Variants in FAM200B observed in about 807,000 individuals in gnomAD.
FAM200B encodes the protein protein FAM200B.
In FAM200B, 32 loss-of-function variants were observed where a neutral mutation model predicts 33.1. The observed-to-expected ratio is 0.97, with a 90% CI of 0.73 to 1.30. FAM200B has a LOEUF of 1.30. Among genes scored for constraint, FAM200B ranks in the 50% most tolerant of loss-of-function variants. The pLI is 0.00. For synonymous variants in FAM200B, 240 were observed against 264.8 expected (o/e 0.91, Z 0.91); for missense variants, 741 against 754.0 (o/e 0.98, Z 0.20).
the FAM200B span, among the ~76,000 whole-genome samples, chr4:15,650,411 T>A: frequency 4.6e-5 from 7 of 152,272 alleles, no homozygotes; most frequent in African/African-American, 1.4e-4. Context: ...TATTTACTTT[T>A]CGGTTTAAAT....
the FAM200B span, among the ~76,000 whole-genome samples, chr4:15,645,055 A>G: frequency 2.6e-4 from 40 of 152,306 alleles, no homozygotes; most frequent in African/African-American, 9.1e-4. Flanking sequence ...CAGAAATTTT[A>G]AAGAGGGAAA....
chr4:15,676,693 G>A (rs1020381322), upstream of FAM200B, among the ~76,000 whole-genome samples: 2 of 151,858 alleles, frequency 1.3e-5, no homozygotes, highest in East Asian at 1.9e-4. Context: ...TGAGTATTAC[G>A]GGGGGGAGGG....
At chr4:15,653,577 A>C in the FAM200B span, among the ~76,000 whole-genome samples, 1,422 of 152,296 alleles carry the variant, frequency 9.3e-3, 23 homozygotes, top group African/African-American at 0.033. Context: ...ACCTCTCCAC[A>C]GTCTAAAGTG....
the FAM200B span, chr4:15,640,787 C>T: frequency 2.0e-6 from 3 of 1,483,372 alleles, no homozygotes; most frequent in Non-Finnish European, 2.7e-6. Context: ...ATTATGCTTA[C>T]CTCCTCTTCC....
chr4:15,642,758 G>A, the FAM200B span, among the ~76,000 whole-genome samples: 14 of 152,166 alleles, frequency 9.2e-5, no homozygotes, highest in African/African-American at 3.1e-4. Context: ...TCACTCTTCT[G>A]ACCATGAAAT....
chr4:15,645,613 G>A, the FAM200B span, among the ~76,000 whole-genome samples: 1 of 151,882 alleles, frequency 6.6e-6, no homozygotes. Context: ...TTTTTTAGCA[G>A]AGATGGGGTT....
In FAM200B at chr4:15,687,901, A is replaced by T; in HGVS notation, c.924A>T (p.Arg308Ser). Residue 308 changes from arginine to serine, a missense_variant, in exon 2 of 2, where the codon AGA (arginine) becomes AGT (serine). Physicochemically the swap from Arg to Ser is moderately radical, Grantham distance 110 (BLOSUM62 -1). Coordinates refer to ENST00000422728, the MANE Select transcript of FAM200B (RefSeq NM_001145191.2). ...CAACCATGACTGGAAAACATAGCAG[A>T]GTAATTAAAAAATTACTAGAAGTTA... is the stretch of plus-strand genomic sequence containing the variant. ...GTATMTGKHS[R>S]VIKKLLEVTN... 6.4e-7 allele frequency: 1 copy of T among 1,550,954 alleles called. No individual in the cohort carries two copies. The highest frequency in any genetic ancestry group is 8.7e-7 in the Non-Finnish European group (1 of 1,146,450).
chr4:15,639,802 G>A, the FAM200B span, among the ~76,000 whole-genome samples: 8 of 152,146 alleles, frequency 5.3e-5, no homozygotes, highest in Admixed American at 2.0e-4. Context: ...AAATACTATC[G>A]GGGTTTCTTT....
At position 15,687,178 on chromosome 4, in the gene FAM200B, C is replaced by T. The variant is rs1275797092; in HGVS notation, c.201C>T (p.Tyr67=). 4.5e-6 allele frequency: 7 copies of T among 1,540,652 alleles called. No homozygotes were observed. Among genetic ancestry groups the T allele is most frequent in the Non-Finnish European group, 6.1e-6 (7 of 1,142,150 alleles). Residue 67 remains tyrosine, a synonymous_variant, in exon 2 of 2, where the codon TAC becomes TAT. Coordinates refer to ENST00000422728, the MANE Select transcript of FAM200B (RefSeq NM_001145191.2). The part of the protein sequence containing the change: ...KVSARRYNED[Y]LKYGFIKCEK... ...GTGCAAGACGTTATAATGAAGATTA[C>T]TTAAAATATGGCTTTATCAAATGTG...
chr4:15,688,120 A>G lies in FAM200B; in HGVS notation c.1143A>G (p.Leu381=), dbSNP rs564418257. ...TTGGAACTAATCATACCCACTTACT[A>G]TATCATACCAAAATTCGTTGGTTGT... The part of the protein sequence containing the change: ...SEIGTNHTHL[L]YHTKIRWLSQ... The change falls in exon 2 of 2, where the codon CTA becomes CTG. Residue 381 remains leucine, a synonymous_variant. Coordinates refer to ENST00000422728, the MANE Select transcript of FAM200B (RefSeq NM_001145191.2). 8 of 1,551,274 alleles carry G rather than the reference A, an allele frequency of 5.2e-6. No individual in the cohort carries two copies. Among genetic ancestry groups the G allele is most frequent in the African/African-American group, 2.7e-5 (2 of 73,134 alleles).
At chr4:15,644,647 GCATA>G in the FAM200B span, 1 of 1,614,052 alleles carries the variant, frequency 6.2e-7, no homozygotes, top group South Asian at 1.1e-5. Context: ...CTTGAAAGTA[GCATA>G]CAAAGACTGC....
the FAM200B span, chr4:15,655,486 C>G: frequency 1.5e-6 from 1 of 682,512 alleles, no homozygotes; most frequent in Non-Finnish European, 1.8e-6. Flanking sequence ...TGACCGGGCG[C>G]GCGCAGAGGC....
the FAM200B span, chr4:15,638,715 A>G: frequency 6.8e-7 from 1 of 1,460,288 alleles, no homozygotes; most frequent in Admixed American, 1.9e-5. Context: ...CAAAATATTC[A>G]CGAGGAAAGA....
At chr4:15,643,902 A>G in the FAM200B span, among the ~76,000 whole-genome samples, 1 of 152,246 alleles carries the variant, frequency 6.6e-6, no homozygotes, top group Non-Finnish European at 1.5e-5. Context: ...CTTGGTGAGT[A>G]GCATTCATTA....
Position 15,687,596 on chromosome 4 carries a change from A to G in FAM200B, c.619A>G (p.Ile207Val), listed in dbSNP as rs554560065. The change falls in exon 2 of 2, where the codon ATT becomes GTT. Residue 207 changes from isoleucine (I) to valine (V), a missense_variant. Coordinates refer to ENST00000422728, the MANE Select transcript of FAM200B (RefSeq NM_001145191.2). ...DNTVSLRICT[I>V]AEHLETMLIT... is the part of the protein sequence containing the mutation. ...CACAGTATCTCTTCGAATTTGTACT[A>G]TTGCAGAACATTTAGAAACAATGCT... 2.0e-5 allele frequency: 31 copies of G among 1,550,944 alleles called. No individual in the cohort carries two copies. The South Asian group carries it at 2.5e-4, about 13-fold the overall frequency.
the FAM200B span, chr4:15,656,394 G>A: frequency 2.3e-6 from 1 of 427,264 alleles, no homozygotes; most frequent in South Asian, 1.6e-5. Context: ...AACCTTGGGA[G>A]GAATTGTTAT....
At chr4:15,671,887 A>G in the FAM200B span, among the ~76,000 whole-genome samples, 1 of 152,194 alleles carries the variant, frequency 6.6e-6, no homozygotes, top group Non-Finnish European at 1.5e-5. Context: ...TTTCATCTCT[A>G]GAAGTTGGAT....
upstream of FAM200B, among the ~76,000 whole-genome samples, chr4:15,680,536 G>C (rs1718190224): frequency 6.6e-6 from 1 of 152,062 alleles, no homozygotes; most frequent in Non-Finnish European, 1.5e-5. Context: ...AATTAGCCTG[G>C]CATGGTGGCG....
chr4:15,689,089 T>C lies in FAM200B; in HGVS notation c.*138T>C. ...TTTGTTATATTTAATAAAATTATTTTATGTTCATTGAACAAAAATTTAATG... is the reference window on the plus strand; with the variant it reads ...TTTGTTATATTTAATAAAATTATTTCATGTTCATTGAACAAAAATTTAATG... On this transcript the variant is annotated 3_prime_UTR_variant, in exon 2 of 2. Transcript: ENST00000422728. The C allele has an allele frequency of 1.4e-6, 1 of 693,982 alleles. No homozygotes were observed. Among genetic ancestry groups the C allele is most frequent in the Non-Finnish European group, 2.1e-6 (1 of 478,426 alleles). 43.0% of individuals were successfully genotyped at this position (693,982 alleles called of 1,614,324 possible).
Sources: allele counts gnomAD v4.1 joint callset (sites outside exome capture counted in the v4.1 genomes callset), GRCh38; gene constraint gnomAD v4.1.1; transcripts MANE v1.5; gene names NCBI Gene and HGNC (gene_info 2026-07-23, HGNC 2026-07-21).